ABCC10: variants seen among roughly 807,000 people sequenced by gnomAD.
ABCC10 encodes ATP-binding cassette sub-family C member 10.
Under a neutral mutation model 143.2 loss-of-function variants are expected in ABCC10, and 110 were observed. That is an observed-to-expected ratio of 0.77 (90% CI 0.66 to 0.90). ABCC10 has a LOEUF of 0.90. Among genes scored for constraint, ABCC10 ranks in the 40% least tolerant of loss-of-function variants. ABCC10 has a pLI of 0.00. For synonymous variants in ABCC10, 805 were observed against 846.7 expected, an observed-to-expected ratio of 0.95 and a Z score of 0.85; for missense variants, 1,700 against 1,900.5, an observed-to-expected ratio of 0.89 and a Z score of 1.96.
intron 2 of ABCC10, chr6:43,431,864 A>G (rs899919218): frequency 3.3e-5 from 41 of 1,253,858 alleles, no homozygotes; most frequent in Non-Finnish European, 3.9e-5. Flanking sequence ...TCTGTGGTTT[A>G]AAAAAAAACA....
chr6:43,446,613 T>C (rs1783111284), intron 16 of ABCC10, 167 bp downstream of exon 16: 6 of 985,110 alleles, frequency 6.1e-6, no homozygotes, highest in Non-Finnish European at 1.2e-6. Context: ...GAGGAGACAA[T>C]CCCCAGGAGG....
chr6:43,443,186 G>C lies in ABCC10; in HGVS notation c.2416+27G>C. On this transcript the variant is annotated intron_variant, in intron 10 of 21. Coordinates refer to ENST00000372530, the MANE Select transcript of ABCC10 (RefSeq NM_001198934.2). The surrounding 1 kb of genome is among the most constrained non-coding windows in gnomAD (Gnocchi z 4.2). ...TAATGGGGGCAGGAGCCCCGTGTGA[G>C]GGAGGTGTCTGCCCAGGTCTGGCAG... 1 of 1,560,060 alleles carries C rather than the reference G, an allele frequency of 6.4e-7. No homozygotes were observed. The highest frequency in any genetic ancestry group is 8.6e-7 in the Non-Finnish European group (1 of 1,160,066).
In ABCC10 at chr6:43,432,644, TCACGCTTTTCCTATGCCTGGCTGG is replaced by T. The variant is rs771879350; in HGVS notation, c.668_691del (p.Arg223_Ala230del). Reference sequence around the variant, plus strand: ...GGCTGAAGATGGGGAGAGTTGGCTGTCACGCTTTTCCTATGCCTGGCTGGCACCCTTGCTGGCCCGTGGGGCCTG... The same window carrying T: ...GGCTGAAGATGGGGAGAGTTGGCTGTCACCCTTGCTGGCCCGTGGGGCCTG... On this transcript the variant is annotated inframe_deletion, in exon 3 of 22. Coordinates refer to ENST00000372530, the MANE Select transcript of ABCC10 (RefSeq NM_001198934.2). 8.7e-6 allele frequency: 14 copies of T among 1,613,918 alleles called. No individual in the cohort carries two copies. The East Asian group carries it at 2.9e-4, about 33-fold the overall frequency.
At position 43,435,865 on chromosome 6, in the gene ABCC10, C is replaced by T; in HGVS notation, c.1723C>T (p.Leu575Phe). 2.5e-6 allele frequency: 4 copies of T among 1,614,194 alleles called. No individual in the cohort carries two copies. The highest frequency in any genetic ancestry group is 3.4e-6 in the Non-Finnish European group (4 of 1,180,038). Residue 575 changes from leucine (L) to phenylalanine (F), a missense_variant, in exon 5 of 22, where the codon CTC becomes TTC. Leu to Phe is a conservative substitution (Grantham distance 22). Transcript: ENST00000372530. ...GTCCTTGGACCGGATCCAGCTTTTC[C>T]TCGACCTTCCAAACCACAACCCCCA... ...KVSLDRIQLFLDLPNHNPQAY... is the reference protein window; with the variant it reads ...KVSLDRIQLFFDLPNHNPQAY...
rs770089218 is a variant in ABCC10 at position 43,444,235 on chromosome 6, G to A, written c.2571G>A (p.Leu857=). Residue 857 remains leucine, a synonymous_variant, in exon 12 of 22, where the codon CTG becomes CTA. Coordinates refer to ENST00000372530, the MANE Select transcript of ABCC10 (RefSeq NM_001198934.2). ...AGGAGCAGAGCACATCTGGTCGCCT[G>A]CTGCAGGAAGAAAGCAAGAAGGAGG... ...LEEEQSTSGR[L]LQEESKKEGA... is the part of the protein sequence containing the mutation. 16 of 1,614,176 alleles carry A rather than the reference G, an allele frequency of 9.9e-6. No individual in the cohort carries two copies. The highest frequency in any genetic ancestry group is 9.9e-5 in the South Asian group (9 of 91,088).
In ABCC10 at chr6:43,450,121, CCT is replaced by C. The variant is rs769638059; in HGVS notation, c.*37_*38del. The C allele has an allele frequency of 3.2e-6, 5 of 1,562,944 alleles. No homozygotes were observed. The highest frequency in any genetic ancestry group is 1.2e-5 in the South Asian group (1 of 83,052). On this transcript the variant is annotated 3_prime_UTR_variant, in exon 22 of 22. Transcript: ENST00000372530. The surrounding 1 kb of genome is among the most constrained non-coding windows in gnomAD (Gnocchi z 4.5). ...AATCCCACACCCTGCAGAGTTCTCC[CCT>C]CTCTCTGATCCAGGCCGGGCCTATA...
In ABCC10 at chr6:43,432,818, G is replaced by A; in HGVS notation, c.838G>A (p.Ala280Thr). ...ACGGCTGTGGAGGGCCTTGTATGGG[G>A]CCTTTGGACGGTGCTATCTGGCACT... The part of the protein sequence containing the change: ...GARLWRALYG[A>T]FGRCYLALGL... Residue 280 changes from alanine to threonine, a missense_variant, in exon 3 of 22, where the codon GCC becomes ACC. Physicochemically the swap from Ala to Thr is moderately conservative, Grantham distance 58 (BLOSUM62 0). Transcript: ENST00000372530. The A allele has an allele frequency of 1.2e-6, 2 of 1,614,232 alleles. No homozygotes were observed. Among genetic ancestry groups the A allele is most frequent in the Non-Finnish European group, 1.7e-6 (2 of 1,180,040 alleles).
Position 43,432,136 on chromosome 6 carries a change from C to A in ABCC10, c.162-6C>A. On this transcript the variant is annotated splice_region_variant and splice_polypyrimidine_tract_variant and intron_variant, in intron 2 of 21. Coordinates refer to ENST00000372530, the MANE Select transcript of ABCC10 (RefSeq NM_001198934.2). ...TGTGCCTCCTTGTCTTCCCCCTTGT[C>A]CCCAGGAGTCCAGATTACATCCTAC... The A allele has an allele frequency of 6.2e-7, 1 of 1,613,446 alleles. No homozygotes were observed. The highest frequency in any genetic ancestry group is 8.5e-7 in the Non-Finnish European group (1 of 1,179,540).
At chr6:43,449,608 G>T in intron 21 of ABCC10, 74 bp downstream of exon 21, 1 of 1,273,704 alleles carries the variant, frequency 7.9e-7, no homozygotes, top group Non-Finnish European at 1.1e-6. Flanking sequence ...TGCTTTCAGG[G>T]ACCCCAGTGG....
At chr6:43,428,296 G>A (rs571070384) in intron 2 of ABCC10, among the ~76,000 whole-genome samples, 157 bp downstream of exon 2, 2 of 152,252 alleles carry the variant, frequency 1.3e-5, no homozygotes, top group Admixed American at 1.3e-4. Context: ...CAATGTGGCT[G>A]TTCTTGGGCA....
At chr6:43,433,698 A>G (rs2127386159) in intron 3 of ABCC10, among the ~76,000 whole-genome samples, 1 of 152,306 alleles carries the variant, frequency 6.6e-6, no homozygotes, top group Middle Eastern at 3.4e-3. Flanking sequence ...CCTGGGAGGT[A>G]GGAAGTCATC....
At chr6:43,451,865 A>G, downstream of ABCC10, 1 of 1,571,270 alleles carries the variant, frequency 6.4e-7, no homozygotes, top group Non-Finnish European at 8.6e-7. The surrounding 1 kb of genome is among the most constrained non-coding windows in gnomAD (Gnocchi z 4.4). Context: ...CCCTCCCAAC[A>G]GTCCTGCCTC....
intron 7 of ABCC10, 180 bp from the exon 8 acceptor site, chr6:43,438,444 G>C: frequency 7.0e-7 from 1 of 1,429,676 alleles, no homozygotes; most frequent in Non-Finnish European, 9.1e-7. Context: ...TCCCTTCTTC[G>C]CCCAGAATGG....
rs531416076 is a variant in ABCC10, at chr6:43,442,484, T to C, written c.2227-486T>C. On this transcript the variant is annotated intron_variant, in intron 9 of 21. Coordinates refer to ENST00000372530, the MANE Select transcript of ABCC10 (RefSeq NM_001198934.2). Reference sequence around the variant, plus strand: ...TACTCGGGAGGCTGAGGCAGGAGAATCGCTTGAACCCGAGAGGCAGAGGTT... The same window carrying C: ...TACTCGGGAGGCTGAGGCAGGAGAACCGCTTGAACCCGAGAGGCAGAGGTT... Among the ~76,000 whole-genome samples, 89 of 152,058 alleles carry C rather than the reference T, an allele frequency of 5.9e-4. 1 individual carries two copies. The highest frequency in any genetic ancestry group is 2.1e-3 in the African/African-American group (85 of 41,462).
chr6:43,432,905 C>A lies in ABCC10; in HGVS notation c.925C>A (p.Leu309Met). The part of the protein sequence containing the change: ...GFSGPLLLSL[L>M]VGFLEEGQEP... Reference sequence around the variant, plus strand: ...CTCAGGGCCCCTGTTGCTCTCCCTACTGGTGGGCTTCCTGGAAGAGGGGCA... The same window carrying A: ...CTCAGGGCCCCTGTTGCTCTCCCTAATGGTGGGCTTCCTGGAAGAGGGGCA... Residue 309 changes from leucine (L) to methionine (M), a missense_variant, in exon 3 of 22, where the codon CTG becomes ATG. By Grantham distance (15) the Leu-to-Met change is conservative (BLOSUM62 2). Coordinates refer to ENST00000372530, the MANE Select transcript of ABCC10 (RefSeq NM_001198934.2). The A allele has an allele frequency of 1.2e-6, 2 of 1,614,174 alleles. No homozygotes were observed. Among genetic ancestry groups the A allele is most frequent in the Non-Finnish European group, 1.7e-6 (2 of 1,180,038 alleles).
At chr6:43,430,308 C>T (rs1780990848) in intron 2 of ABCC10, among the ~76,000 whole-genome samples, 1 of 152,040 alleles carries the variant, frequency 6.6e-6, no homozygotes, top group Non-Finnish European at 1.5e-5. Context: ...ACAGGCTGGT[C>T]TTGAACTCCT....
At chr6:43,449,057 AAGGGAGC>A in intron 19 of ABCC10, 31 bp downstream of exon 19, 1 of 1,613,372 alleles carries the variant, frequency 6.2e-7, no homozygotes. Flanking sequence ...TTAGAGCAAG[AAGGGAGC>A]AGGGATGGCC....
chr6:43,447,708 G>T lies in ABCC10; in HGVS notation c.3730G>T (p.Gly1244Trp), dbSNP rs771655318. 17 of 1,614,020 alleles carry T rather than the reference G, an allele frequency of 1.1e-5. No individual in the cohort carries two copies. The highest frequency in any genetic ancestry group is 1.4e-5 in the Non-Finnish European group (16 of 1,180,024). The change falls in exon 18 of 22, where the codon GGG becomes TGG. Residue 1244 changes from glycine to tryptophan, a missense_variant. Coordinates refer to ENST00000372530, the MANE Select transcript of ABCC10 (RefSeq NM_001198934.2). The stretch of plus-strand genomic sequence containing the variant: ...GCTGGGCACCGGCTGGCTGACCCAG[G>T]GGGGCGTGGAGTTCCAGGACGTGGT... ...LQLGTGWLTQGGVEFQDVVLA... is the reference protein window; with the variant it reads ...LQLGTGWLTQWGVEFQDVVLA...
In ABCC10 at chr6:43,432,718, C is replaced by T. The variant is rs769127241; in HGVS notation, c.738C>T (p.Asp246=). The change falls in exon 3 of 22, where the codon GAC becomes GAT. Residue 246 remains aspartate (D), a synonymous_variant. Transcript: ENST00000372530. ...GTGGAGAGCTCCGGCAGCCTCAGGACATTTGCCGCCTCCCCCACAGACTGC... is the reference window on the plus strand; with the variant it reads ...GTGGAGAGCTCCGGCAGCCTCAGGATATTTGCCGCCTCCCCCACAGACTGC... The part of the protein sequence containing the change: ...GACGELRQPQ[D]ICRLPHRLQP... 3.1e-6 allele frequency: 5 copies of T among 1,614,006 alleles called. No homozygotes were observed. In the Admixed American group the frequency reaches 6.7e-5, roughly 22 times the overall value.
Sources: allele counts gnomAD v4.1 joint callset (sites outside exome capture counted in the v4.1 genomes callset), GRCh38; gene constraint gnomAD v4.1.1; non-coding constraint Gnocchi (gnomAD v3.1); transcripts MANE v1.5; gene names NCBI Gene and HGNC (gene_info 2026-07-23, HGNC 2026-07-21).